Variants in TNR observed in about 807,000 individuals in gnomAD.
TNR encodes tenascin R.
Under a neutral mutation model 150.4 loss-of-function variants are expected in TNR, and 45 were observed. The ratio of observed to expected loss-of-function variants is 0.30; its 90% CI spans 0.24 to 0.38. The LOEUF (loss-of-function observed/expected upper bound fraction) is 0.38, where lower values mean the gene tolerates loss of function less well. Ranked by LOEUF, TNR falls within the 10% of genes least tolerant of loss-of-function variation. TNR has a pLI of 1.00. For synonymous variants in TNR, 687 were observed against 678.4 expected (o/e 1.01, Z -0.20); for missense variants, 1,544 against 1,759.1 (o/e 0.88, Z 2.19).
intron 1 of TNR, among the ~76,000 whole-genome samples, chr1:175,720,634 C>T (rs1258249832): frequency 6.6e-6 from 1 of 152,090 alleles, no homozygotes; most frequent in Non-Finnish European, 1.5e-5. Flanking sequence ...GATAAGCAGT[C>T]AAATAGAGGT....
chr1:175,480,294 TAA>T (rs34031344), intron 2 of TNR, among the ~76,000 whole-genome samples: 13 of 111,844 alleles, frequency 1.2e-4, no homozygotes, highest in Admixed American at 4.4e-4. Flanking sequence ...CTGGACATAG[TAA>T]AAAAAAAATG....
At chr1:175,418,788 G>A (rs1654623732) in intron 2 of TNR, among the ~76,000 whole-genome samples, 1 of 152,086 alleles carries the variant, frequency 6.6e-6, no homozygotes, top group South Asian at 2.1e-4. Context: ...AGAAGGGCTT[G>A]GTTCCTGGGA....
chr1:175,568,631 C>T (rs78940274), intron 1 of TNR, among the ~76,000 whole-genome samples: 5 of 152,256 alleles, frequency 3.3e-5, no homozygotes, highest in Admixed American at 1.3e-4. Flanking sequence ...ATCCAGTCCT[C>T]GGCCTCCCAT....
In TNR at chr1:175,507,468, C is replaced by CG. The variant is rs747767657; in HGVS notation, c.-64+20800dup. Reference sequence around the variant, plus strand: ...TGAGTCCTTTGATATCATCACCTGACGGAGTCCCAGAGTCTCCCTGAGTAT... The same window carrying CG: ...TGAGTCCTTTGATATCATCACCTGACGGGAGTCCCAGAGTCTCCCTGAGTAT... On this transcript the variant is annotated intron_variant, in intron 2 of 22. Coordinates refer to ENST00000367674, the MANE Select transcript of TNR (RefSeq NM_003285.3). Among the ~76,000 whole-genome samples, 70 of 152,270 alleles carry CG rather than the reference C, an allele frequency of 4.6e-4. 1 individual carries two copies. Among genetic ancestry groups the CG allele is most frequent in the African/African-American group, 1.6e-3 (66 of 41,548 alleles).
intron 2 of TNR, among the ~76,000 whole-genome samples, chr1:175,409,247 T>C (rs143566249): frequency 3.5e-4 from 54 of 152,356 alleles, no homozygotes; most frequent in African/African-American, 1.2e-3. Context: ...ATGTGGATAT[T>C]GCTAAATAAC....
intron 2 of TNR, among the ~76,000 whole-genome samples, chr1:175,505,517 G>GA (rs1658927161): frequency 6.6e-6 from 1 of 152,222 alleles, no homozygotes; most frequent in African/African-American, 2.4e-5. Flanking sequence ...TCAGAGTAGC[G>GA]CCTGGGCTGA....
chr1:175,565,155 A>T (rs528942277), intron 1 of TNR, among the ~76,000 whole-genome samples: 4 of 152,318 alleles, frequency 2.6e-5, no homozygotes, highest in African/African-American at 9.6e-5. Context: ...TTCTTTTTAC[A>T]AATAAGGACA....
intron 2 of TNR, among the ~76,000 whole-genome samples, chr1:175,422,049 T>G (rs1557923924): frequency 6.6e-6 from 1 of 152,232 alleles, no homozygotes; most frequent in East Asian, 1.9e-4. Flanking sequence ...GAAATTGAGG[T>G]ACAGAGTGGT....
intron 1 of TNR, among the ~76,000 whole-genome samples, chr1:175,572,352 A>G (rs941828757): frequency 6.6e-6 from 1 of 152,232 alleles, no homozygotes; most frequent in Non-Finnish European, 1.5e-5. Flanking sequence ...TTCTTTAGTA[A>G]TCAAGACTTC....
intron 2 of TNR, among the ~76,000 whole-genome samples, chr1:175,500,531 G>T (rs906128110): frequency 6.6e-5 from 10 of 152,098 alleles, no homozygotes; most frequent in African/African-American, 2.4e-4. Context: ...CCAAGGCTGG[G>T]CTGGTGCTGG....
intron 1 of TNR, among the ~76,000 whole-genome samples, chr1:175,649,374 C>A: frequency 6.6e-6 from 1 of 152,198 alleles, no homozygotes; most frequent in East Asian, 1.9e-4. Flanking sequence ...TTTAATTATG[C>A]CACTGTGCTT....
chr1:175,434,872 T>A (rs1655426330), intron 2 of TNR, among the ~76,000 whole-genome samples: 1 of 152,172 alleles, frequency 6.6e-6, no homozygotes, highest in Non-Finnish European at 1.5e-5. Context: ...CACTAACTCT[T>A]TAATTTTGAG....
intron 1 of TNR, among the ~76,000 whole-genome samples, chr1:175,553,958 A>G (rs1661052020): frequency 6.6e-6 from 1 of 152,202 alleles, no homozygotes; most frequent in East Asian, 1.9e-4. Context: ...GCATCCCACA[A>G]AATGAACAAC....
At chr1:175,605,580 A>G (rs939209108) in intron 1 of TNR, among the ~76,000 whole-genome samples, 1 of 152,240 alleles carries the variant, frequency 6.6e-6, no homozygotes, top group Non-Finnish European at 1.5e-5. Flanking sequence ...CAGTCTGTTA[A>G]ATGCTAGGAT....
chr1:175,382,209 T>A (rs1464342751), intron 8 of TNR, among the ~76,000 whole-genome samples: 1 of 152,260 alleles, frequency 6.6e-6, no homozygotes, highest in Non-Finnish European at 1.5e-5. Flanking sequence ...CAGGATCTTG[T>A]CTATCTGTTT....
intron 1 of TNR, among the ~76,000 whole-genome samples, chr1:175,541,088 G>A (rs1431775455): frequency 1.3e-5 from 2 of 152,066 alleles, no homozygotes; most frequent in South Asian, 2.1e-4. Flanking sequence ...CACCAGCCTG[G>A]TTACTATTTA....
At chr1:175,646,453 A>G (rs560022983) in intron 1 of TNR, among the ~76,000 whole-genome samples, 1 of 152,206 alleles carries the variant, frequency 6.6e-6, no homozygotes. Flanking sequence ...AAAGCTTCAT[A>G]AAGCTTCCAG....
At chr1:175,531,599 TAA>T (rs1483018266) in intron 1 of TNR, among the ~76,000 whole-genome samples, 1 of 152,036 alleles carries the variant, frequency 6.6e-6, no homozygotes, top group African/African-American at 2.4e-5. Flanking sequence ...TACACAAAAG[TAA>T]AGAGCATGCT....
chr1:175,462,551 G>C (rs1344838559), intron 2 of TNR, among the ~76,000 whole-genome samples: 1 of 152,176 alleles, frequency 6.6e-6, no homozygotes, highest in South Asian at 2.1e-4. Context: ...ATTCTCCGGA[G>C]TTCTTATTTG....
Sources: gnomAD v4.1 joint callset for allele counts (sites outside exome capture counted in the v4.1 genomes callset) on GRCh38, gnomAD v4.1.1 for gene constraint, MANE v1.5 for transcripts, NCBI Gene and HGNC (gene_info 2026-07-23, HGNC 2026-07-21) for gene names.